SYNE1: variants seen among roughly 807,000 people sequenced by gnomAD.
SYNE1 encodes the protein nesprin-1.
A neutral mutation model predicts 1,111.0 loss-of-function variants in SYNE1; 616 were observed. The ratio of observed to expected loss-of-function variants is 0.55; its 90% CI spans 0.52 to 0.59. The LOEUF is 0.59. Ranked by LOEUF, SYNE1 falls within the 20% of genes least tolerant of loss-of-function variation. The pLI, the probability that SYNE1 is intolerant of heterozygous loss-of-function variation, is 0.00. For missense variants in SYNE1, 10,006 were observed against 10,417.0 expected (o/e 0.96, Z 1.72); for synonymous variants, 3,855 against 3,825.8 (o/e 1.01, Z -0.28).
chr6:152,523,175 A>G (rs925313310), intron 5 of SYNE1, among the ~76,000 whole-genome samples: 1 of 151,598 alleles, frequency 6.6e-6, no homozygotes, highest in African/African-American at 2.4e-5. Context: ...TAGAATTTGT[A>G]TGGGGTTTCA....
chr6:152,416,675 G>A lies in SYNE1; in HGVS notation c.5762C>T (p.Ser1921Phe). 1 of 1,614,214 alleles carries A rather than the reference G, an allele frequency of 6.2e-7. No homozygotes were observed. The highest frequency in any genetic ancestry group is 8.5e-7 in the Non-Finnish European group (1 of 1,180,038). Residue 1921 changes from serine (S) to phenylalanine (F), a missense_variant, in exon 41 of 146, where the codon TCT (serine) becomes TTT (phenylalanine). By Grantham distance (155) the Ser-to-Phe change is radical. Coordinates refer to ENST00000367255, the MANE Select transcript of SYNE1 (RefSeq NM_182961.4). ...DALQNAKALE[S>F]AAVSLDGILS... ...AATGCCATCCAGACTGACGGCAGCA[G>A]ATTCTAATGCTTTAGCATTTTGAAG...
intron 76 of SYNE1, among the ~76,000 whole-genome samples, chr6:152,335,080 T>C (rs1999829): frequency 0.79 from 119,897 of 152,214 alleles, 47,638 homozygotes; most frequent in African/African-American, 0.9. Context: ...GCCAGCCCAA[T>C]ATGTGGCCAG....
chr6:152,163,235 C>T (rs370045172), intron 131 of SYNE1, among the ~76,000 whole-genome samples: 6 of 152,280 alleles, frequency 3.9e-5, no homozygotes, highest in Admixed American at 1.3e-4. Flanking sequence ...CAGTGGCTCA[C>T]GCCTGTAATC....
At chr6:152,421,727 T>C (rs1439462395) in intron 39 of SYNE1, among the ~76,000 whole-genome samples, 5 of 150,944 alleles carry the variant, frequency 3.3e-5, no homozygotes, top group Admixed American at 2.0e-4. Flanking sequence ...TTTTTGGAGA[T>C]GGAGTTTCAC....
At chr6:152,377,258 T>C (rs2097297320) in intron 56 of SYNE1, among the ~76,000 whole-genome samples, 2 of 152,180 alleles carry the variant, frequency 1.3e-5, no homozygotes, top group Admixed American at 1.3e-4. Flanking sequence ...ATATGTATAT[T>C]GTTTAAAGGT....
chr6:152,510,328 G>A lies in SYNE1; in HGVS notation c.446C>T (p.Ser149Phe). The A allele has an allele frequency of 6.2e-7, 1 of 1,613,964 alleles. No individual in the cohort carries two copies. Among genetic ancestry groups the A allele is most frequent in the Middle Eastern group, 1.7e-4 (1 of 6,048 alleles). The change falls in exon 8 of 146, where the codon TCC (serine) becomes TTC (phenylalanine). Residue 149 changes from serine (S) to phenylalanine (F), a missense_variant. Transcript: ENST00000367255. ...GCTGTCCACGGAGGATGCGCTGCTG[G>A]ACAAAGACTGGAGCTGGGGCAGGTT... ...TSNLPQLQSLSSSASSVDSIV... is the reference protein window; with the variant it reads ...TSNLPQLQSLFSSASSVDSIV...
At chr6:152,235,484 C>G (rs942322661) in intron 110 of SYNE1, among the ~76,000 whole-genome samples, 1 of 152,086 alleles carries the variant, frequency 6.6e-6, no homozygotes, top group Admixed American at 6.5e-5. Context: ...GCCTCAGCCT[C>G]CTGAGCAGCT....
intron 16 of SYNE1, among the ~76,000 whole-genome samples, chr6:152,468,251 AT>A (rs2154275083): frequency 6.6e-6 from 1 of 152,308 alleles, no homozygotes; most frequent in South Asian, 2.1e-4. Flanking sequence ...TAAAATTAAC[AT>A]TGAGGAGAGG....
intron 128 of SYNE1, among the ~76,000 whole-genome samples, chr6:152,181,649 C>T (rs2813509): frequency 0.084 from 12,834 of 152,190 alleles, 1,235 homozygotes; most frequent in African/African-American, 0.24. Context: ...ACTTCATTCC[C>T]TTTATTGCTG....
chr6:152,317,128 C>T (rs971694750), intron 86 of SYNE1, 142 bp from the exon 87 acceptor site: 7 of 987,060 alleles, frequency 7.1e-6, no homozygotes, highest in African/African-American at 3.3e-5. Context: ...ATCAAAAGAT[C>T]GTTTCCCTGT....
Position 152,358,510 on chromosome 6 carries a change from C to T in SYNE1, c.10471G>A (p.Val3491Ile), listed in dbSNP as rs886043016. 1.1e-5 allele frequency: 17 copies of T among 1,614,096 alleles called. No homozygotes were observed. Among genetic ancestry groups the T allele is most frequent in the Non-Finnish European group, 1.4e-5 (17 of 1,180,006 alleles). The change falls in exon 66 of 146, where the codon GTC becomes ATC. Residue 3491 changes from valine (V) to isoleucine (I), a missense_variant. Physicochemically the swap from Val to Ile is conservative, Grantham distance 29. Transcript: ENST00000367255. ...KEAVTKSEKL[V>I]RLHQEYQRDL... ...CTCTGATACTCTTGGTGCAGGCGGA[C>T]AAGTTTTTCAGACTTGGTTACGGCT...
chr6:152,629,983 T>A (rs2623942), intron 2 of SYNE1, among the ~76,000 whole-genome samples: 117,307 of 151,772 alleles, frequency 0.77, 45,890 homozygotes, highest in African/African-American at 0.9. Flanking sequence ...ATAAAAGGAC[T>A]TTGCTCATGA....
intron 100 of SYNE1, among the ~76,000 whole-genome samples, chr6:152,266,769 ATT>A (rs2092739360): frequency 6.6e-6 from 1 of 151,978 alleles, no homozygotes; most frequent in African/African-American, 2.4e-5. Context: ...CTGCAATTGC[ATT>A]TTAGTTTGTT....
At chr6:152,444,800 A>G (rs573197596) in intron 29 of SYNE1, among the ~76,000 whole-genome samples, 1 of 152,252 alleles carries the variant, frequency 6.6e-6, no homozygotes, top group Non-Finnish European at 1.5e-5. Context: ...TCTCGTAGCA[A>G]GTTTCAAGTA....
chr6:152,173,742 C>T (rs2065753644), intron 130 of SYNE1, among the ~76,000 whole-genome samples: 2 of 152,092 alleles, frequency 1.3e-5, no homozygotes, highest in Non-Finnish European at 2.9e-5. Flanking sequence ...AAACAGGCAA[C>T]ATATATACAA....
rs765560354 is a variant in SYNE1 at position 152,255,588 on chromosome 6, T to C, written c.19260+3A>G. 21 of 1,614,084 alleles carry C rather than the reference T, an allele frequency of 1.3e-5. No homozygotes were observed. The East Asian group carries it at 1.3e-4, about 10-fold the overall frequency. ...ACACACAGGCAGGAACTACTAAACC[T>C]ACCTCTTGGTTGAAGAGACAAGTCT... On this transcript the variant is annotated splice_donor_region_variant and intron_variant, in intron 103 of 145. Transcript: ENST00000367255.
At chr6:152,260,908 T>C (rs1296484417) in intron 101 of SYNE1, among the ~76,000 whole-genome samples, 4 of 152,114 alleles carry the variant, frequency 2.6e-5, no homozygotes, top group African/African-American at 7.2e-5. Flanking sequence ...CGCTCACCTC[T>C]TGCTGTGAGG....
At chr6:152,188,646 T>C (rs910670614) in intron 128 of SYNE1, among the ~76,000 whole-genome samples, 7 of 152,006 alleles carry the variant, frequency 4.6e-5, no homozygotes, top group Admixed American at 1.3e-4. Flanking sequence ...AACCATAACA[T>C]TGTGCTTTCT....
chr6:152,574,560 A>T (rs1443059089), intron 3 of SYNE1, among the ~76,000 whole-genome samples: 1 of 152,144 alleles, frequency 6.6e-6, no homozygotes, highest in African/African-American at 2.4e-5. Context: ...CTGGTAATCA[A>T]TCCAAATCTT....
Sources: gnomAD v4.1 joint callset for allele counts (sites outside exome capture counted in the v4.1 genomes callset) on GRCh38, gnomAD v4.1.1 for gene constraint, MANE v1.5 for transcripts, NCBI Gene and HGNC (gene_info 2026-07-23, HGNC 2026-07-21) for gene names.